The following RTL9 variants were observed in gnomAD, a reference collection of about 807,000 sequenced individuals.
RTL9 encodes the protein retrotransposon Gag-like protein 9.
RTL9 carries 19 observed loss-of-function variants against 44.7 expected under a neutral mutation model. The ratio of observed to expected loss-of-function variants is 0.42; its 90% CI spans 0.30 to 0.62. The LOEUF is 0.62. Ranked by LOEUF, RTL9 falls within the 20% of genes least tolerant of loss-of-function variation. RTL9 has a pLI of 0.16. For synonymous variants in RTL9, 407 were observed against 398.9 expected, an observed-to-expected ratio of 1.02 and a Z score of -0.24; for missense variants, 1,105 against 1,080.6, an observed-to-expected ratio of 1.02 and a Z score of -0.32.
At chrX:110,436,609 T>C (rs1278990435) in intron 1 of RTL9, among the ~76,000 whole-genome samples, 1 of 111,931 alleles carries the variant, frequency 8.9e-6, no homozygotes, top group East Asian at 2.8e-4. Flanking sequence ...GCAGAGAACA[T>C]GCTGAGGGCA....
At chrX:110,408,877 T>C (rs774432253) in intron 1 of RTL9, among the ~76,000 whole-genome samples, 1 of 112,417 alleles carries the variant, frequency 8.9e-6, no homozygotes, top group Non-Finnish European at 1.9e-5. Context: ...TGGCAGGACA[T>C]ATAGCTATCT....
chrX:110,422,099 C>A, intron 1 of RTL9, among the ~76,000 whole-genome samples: 1 of 113,156 alleles, frequency 8.8e-6, no homozygotes, highest in Admixed American at 9.3e-5. Flanking sequence ...AATCAGAGAA[C>A]ACACCCAGAC....
At chrX:110,401,912 G>A (rs762650954) in intron 1 of RTL9, among the ~76,000 whole-genome samples, 6 of 111,970 alleles carry the variant, frequency 5.4e-5, no homozygotes, top group Non-Finnish European at 3.8e-5. Context: ...TCAATTTTTA[G>A]TAGTCTTCTG....
exon 1 of RTL9, chrX:110,454,171 G>C (rs1318819788): frequency 8.3e-7 from 1 of 1,210,538 alleles, no homozygotes; most frequent in Non-Finnish European, 1.1e-6. Context: ...GATTCAGAGA[G>C]AATGGCATTT....
intron 1 of RTL9, 75 bp downstream of exon 3, chrX:110,454,739 T>G: frequency 1.1e-6 from 1 of 915,347 alleles, no homozygotes; most frequent in East Asian, 3.4e-5. Context: ...ACATCCTGCT[T>G]CCTTGAGTAG....
At chrX:110,395,196 G>A (rs773297922) in intron 1 of RTL9, among the ~76,000 whole-genome samples, 5 of 112,158 alleles carry the variant, frequency 4.5e-5, no homozygotes, top group Admixed American at 9.4e-5. Context: ...TTCCGAGGGT[G>A]CCCCCACACC....
chrX:110,454,293 T>C (rs756359137), exon 1 of RTL9: 1 of 1,210,300 alleles, frequency 8.3e-7, no homozygotes, highest in African/African-American at 1.7e-5. Context: ...CCAGGGCATA[T>C]ATGACTCCCT....
At chrX:110,452,375 A>G (rs1380196499) in exon 1 of RTL9, 14 of 1,210,298 alleles carry the variant, frequency 1.2e-5, no homozygotes, top group Non-Finnish European at 1.3e-5. Context: ...AAACCTCTGG[A>G]TCAACATCCA....
At chrX:110,376,559 C>T (rs1360416805) in intron 1 of RTL9, among the ~76,000 whole-genome samples, 1 of 112,038 alleles carries the variant, frequency 8.9e-6, no homozygotes, top group Non-Finnish European at 1.9e-5. Context: ...GCCATGGTGC[C>T]ATGATCATCT....
intron 1 of RTL9, among the ~76,000 whole-genome samples, chrX:110,382,131 A>G (rs2068424480): frequency 8.9e-6 from 1 of 112,219 alleles, no homozygotes; most frequent in South Asian, 3.7e-4. Flanking sequence ...CTCCAGGCCT[A>G]TGCTTTGGTC....
chrX:110,360,789 G>T (rs2068257968), intron 1 of RTL9, among the ~76,000 whole-genome samples: 1 of 111,097 alleles, frequency 9.0e-6, no homozygotes, highest in Non-Finnish European at 1.9e-5. Context: ...GACAAGGTGA[G>T]ATCCTGGACT....
chrX:110,438,513 T>C (rs1272298238), intron 1 of RTL9, among the ~76,000 whole-genome samples: 1 of 111,687 alleles, frequency 9.0e-6, no homozygotes, highest in Non-Finnish European at 1.9e-5. Context: ...AGTATCATTT[T>C]CTCAGAGCTC....
At chrX:110,453,925 G>C in exon 1 of RTL9, 3 of 1,211,915 alleles carry the variant, frequency 2.5e-6, no homozygotes, top group Non-Finnish European at 3.3e-6. Context: ...ACAGACTCTG[G>C]AGAGGCATCC....
chrX:110,438,852 C>T (rs2068858536), intron 1 of RTL9, among the ~76,000 whole-genome samples: 1 of 112,101 alleles, frequency 8.9e-6, no homozygotes, highest in African/African-American at 3.2e-5. Context: ...GACAATGTTC[C>T]TTCTATTGTG....
intron 1 of RTL9, among the ~76,000 whole-genome samples, chrX:110,387,647 A>G (rs1164822632): frequency 8.9e-6 from 1 of 111,778 alleles, no homozygotes; most frequent in East Asian, 2.8e-4. Context: ...ACTAAAACCC[A>G]CAGAGAATTT....
intron 1 of RTL9, among the ~76,000 whole-genome samples, chrX:110,368,865 C>A (rs1166729412): frequency 9.0e-6 from 1 of 111,503 alleles, no homozygotes; most frequent in Non-Finnish European, 1.9e-5. Flanking sequence ...AAGATTCCTG[C>A]CATCTTCAGA....
At chrX:110,407,354 C>A (rs769204051) in intron 1 of RTL9, among the ~76,000 whole-genome samples, 4 of 112,117 alleles carry the variant, frequency 3.6e-5, no homozygotes, top group East Asian at 2.8e-4. Context: ...TCCTAGTGAG[C>A]CTCACAGGAA....
intron 1 of RTL9, among the ~76,000 whole-genome samples, chrX:110,434,439 T>C (rs2068820968): frequency 9.0e-6 from 1 of 110,791 alleles, no homozygotes; most frequent in Admixed American, 9.5e-5. Context: ...GGGCAAGAAG[T>C]GGAACAGGCT....
At chrX:110,452,272 C>G in exon 1 of RTL9, 1 of 1,211,577 alleles carries the variant, frequency 8.3e-7, no homozygotes, top group Non-Finnish European at 1.1e-6. Context: ...ATGTCCATGC[C>G]ACAAATGAGA....
Sources: gnomAD v4.1 joint callset for allele counts (sites outside exome capture counted in the v4.1 genomes callset) on GRCh38, gnomAD v4.1.1 for gene constraint, MANE v1.5 for transcripts, NCBI Gene and HGNC (gene_info 2026-07-23, HGNC 2026-07-21) for gene names.